Variants in MAF observed in about 807,000 individuals in gnomAD.
MAF encodes MAF bZIP transcription factor.
MAF carries 10 observed loss-of-function variants against 22.0 expected under a neutral mutation model. The ratio of observed to expected loss-of-function variants is 0.45; its 90% confidence interval spans 0.28 to 0.77. The LOEUF (loss-of-function observed/expected upper bound fraction) is 0.77. Among genes scored for constraint, MAF ranks in the 30% least tolerant of loss-of-function variants. The pLI, the probability that MAF is intolerant of heterozygous loss-of-function variation, is 0.12. For synonymous variants in MAF, 337 were observed against 255.8 expected, an observed-to-expected ratio of 1.32 and a Z score of -3.03; for missense variants, 544 against 548.4, an observed-to-expected ratio of 0.99 and a Z score of 0.08.
chr16:79,321,284 C>T, the MAF span, among the ~76,000 whole-genome samples: 1 of 152,146 alleles, frequency 6.6e-6, no homozygotes, highest in Admixed American at 6.5e-5. Flanking sequence ...CATCACACCA[C>T]AAGGTAGGGG....
chr16:79,377,210 C>G, the MAF span, among the ~76,000 whole-genome samples: 2 of 151,998 alleles, frequency 1.3e-5, no homozygotes, highest in African/African-American at 2.4e-5. Flanking sequence ...TTTAATGATC[C>G]CCATTCTAAC....
rs1233952521 is a variant in MAF at position 79,599,235 on chromosome 16, C to T, written c.668G>A (p.Ser223Asn). The T allele has an allele frequency of 1.0e-5, 10 of 978,438 alleles. No homozygotes were observed. The highest frequency in any genetic ancestry group is 4.7e-5 in the South Asian group (1 of 21,366). The allele number at this position is 978,438 out of a possible 1,614,324, so 60.6% of individuals were successfully genotyped here. A position where few individuals can be genotyped will look rare whatever the true frequency, so the allele number is the denominator to read the frequency against. ...AGGAGGGGPASAGGGGGGGGG... is the reference protein window; with the variant it reads ...AGGAGGGGPANAGGGGGGGGG... ...GCCGCCGCCGCCGCCGCCCCCAGCGCTGGCCGGGCCACCGCCGCCCGCGCC... is the reference window on the plus strand; with the variant it reads ...GCCGCCGCCGCCGCCGCCCCCAGCGTTGGCCGGGCCACCGCCGCCCGCGCC... The change falls in exon 1 of 2, where the codon AGC (serine) becomes AAC (asparagine). Residue 223 changes from serine (S) to asparagine (N), a missense_variant. Coordinates refer to ENST00000326043, the MANE Select transcript of MAF (RefSeq NM_005360.5).
chr16:79,590,935 C>T (rs139581642), downstream of MAF, among the ~76,000 whole-genome samples: 961 of 152,190 alleles, frequency 6.3e-3, 9 homozygotes, highest in African/African-American at 0.021. Flanking sequence ...CTTCTACAGG[C>T]CTCAAGAAGT....
At chr16:79,385,046 G>A in the MAF span, among the ~76,000 whole-genome samples, 6 of 152,200 alleles carry the variant, frequency 3.9e-5, no homozygotes, top group African/African-American at 1.4e-4. Context: ...AACAGCTATA[G>A]CCATAGGTTG....
chr16:79,297,488 C>G, the MAF span, among the ~76,000 whole-genome samples: 10 of 152,270 alleles, frequency 6.6e-5, no homozygotes, highest in South Asian at 6.2e-4. Context: ...GAAGTAGCAT[C>G]CCAAGTTGAC....
At chr16:79,228,643 C>A in the MAF span, among the ~76,000 whole-genome samples, 1 of 152,124 alleles carries the variant, frequency 6.6e-6, no homozygotes, top group East Asian at 1.9e-4. Flanking sequence ...TCCACAGGTA[C>A]ACAAAGACAG....
chr16:79,352,332 G>A, the MAF span, among the ~76,000 whole-genome samples: 245 of 152,256 alleles, frequency 1.6e-3, 4 homozygotes, highest in African/African-American at 5.6e-3. Context: ...TATAGAGGGT[G>A]CTCTGGGGCA....
chr16:79,572,872 G>T, the MAF span, among the ~76,000 whole-genome samples: 1 of 152,170 alleles, frequency 6.6e-6, no homozygotes, highest in Non-Finnish European at 1.5e-5. Flanking sequence ...ATAAAAAGGT[G>T]TTATGTCTGT....
At chr16:79,365,307 C>T in the MAF span, among the ~76,000 whole-genome samples, 1 of 152,302 alleles carries the variant, frequency 6.6e-6, no homozygotes, top group Middle Eastern at 3.4e-3. Flanking sequence ...CCATGTAGCA[C>T]TTTTAGCAGC....
the MAF span, among the ~76,000 whole-genome samples, chr16:79,223,378 T>C: frequency 6.6e-6 from 1 of 152,128 alleles, no homozygotes; most frequent in Non-Finnish European, 1.5e-5. Context: ...TAGAGGGAAA[T>C]TTATAGCACT....
At chr16:79,388,716 A>C in the MAF span, among the ~76,000 whole-genome samples, 1 of 152,202 alleles carries the variant, frequency 6.6e-6, no homozygotes, top group East Asian at 1.9e-4. Flanking sequence ...TATACAGGAA[A>C]ATTTAGACTA....
the MAF span, among the ~76,000 whole-genome samples, chr16:79,525,087 C>T: frequency 2.6e-5 from 4 of 152,298 alleles, no homozygotes; most frequent in East Asian, 7.7e-4. Flanking sequence ...CAGCACGATT[C>T]TGAAAATATA....
the MAF span, among the ~76,000 whole-genome samples, chr16:79,528,594 T>A: frequency 6.7e-6 from 1 of 150,250 alleles, no homozygotes; most frequent in African/African-American, 2.4e-5. Context: ...ATATCTCAAA[T>A]AACCCATTCT....
the MAF span, among the ~76,000 whole-genome samples, chr16:79,226,347 G>T: frequency 1.3e-5 from 2 of 152,110 alleles, no homozygotes; most frequent in Admixed American, 6.5e-5. Context: ...CACGGACAAG[G>T]GAGGGTAACA....
chr16:79,260,005 T>A, the MAF span, among the ~76,000 whole-genome samples: 2 of 152,184 alleles, frequency 1.3e-5, no homozygotes, highest in East Asian at 3.9e-4. Flanking sequence ...TGGGACTACC[T>A]GCAGTGAGCC....
chr16:79,314,893 G>C, the MAF span, among the ~76,000 whole-genome samples: 1 of 152,086 alleles, frequency 6.6e-6, no homozygotes, highest in Non-Finnish European at 1.5e-5. Context: ...TGGGACACTT[G>C]GGCTTCTCTA....
At chr16:79,249,765 C>T in the MAF span, among the ~76,000 whole-genome samples, 3 of 151,358 alleles carry the variant, frequency 2.0e-5, no homozygotes, top group South Asian at 2.1e-4. Context: ...TTCCTCCCTT[C>T]CTCTCTTCTT....
intron 1 of MAF, chr16:79,596,905 G>C: frequency 9.5e-7 from 1 of 1,048,598 alleles, no homozygotes; most frequent in East Asian, 5.6e-5. Context: ...TGTATTATAT[G>C]CTTGCAGGTT....
At chr16:79,344,306 C>T in the MAF span, among the ~76,000 whole-genome samples, 48 of 152,298 alleles carry the variant, frequency 3.2e-4, no homozygotes, top group Non-Finnish European at 2.2e-4. Context: ...TGACTAAGGG[C>T]GATTAGACCC....
Sources: allele counts gnomAD v4.1 joint callset (sites outside exome capture counted in the v4.1 genomes callset), GRCh38; gene constraint gnomAD v4.1.1; transcripts MANE v1.5; gene names NCBI Gene and HGNC (gene_info 2026-07-23, HGNC 2026-07-21).